Variants in MTA1 observed in about 807,000 individuals in gnomAD.
MTA1 encodes the protein metastasis-associated protein MTA1.
In MTA1, 15 loss-of-function variants were observed where a neutral mutation model predicts 97.0. The ratio of observed to expected loss-of-function variants is 0.15; its 90% CI spans 0.10 to 0.24. The LOEUF is 0.24. Among genes scored for constraint, MTA1 ranks in the 10% least tolerant of loss-of-function variants. The pLI is 1.00. For synonymous variants in MTA1, 435 were observed against 417.5 expected (o/e 1.04, Z -0.51); for missense variants, 709 against 1,015.1 (o/e 0.70, Z 4.10).
intron 1 of MTA1, among the ~76,000 whole-genome samples, chr14:105,429,553 G>T (rs587705024): frequency 5.0e-4 from 75 of 151,232 alleles, no homozygotes; most frequent in African/African-American, 1.6e-3. Flanking sequence ...CCAGGTTCAC[G>T]CCATTCTCTT....
In MTA1 at chr14:105,450,303, C is replaced by T. The variant is rs782218844; in HGVS notation, c.411C>T (p.Leu137=). The change falls in exon 6 of 21, where the codon CTC becomes CTT. Residue 137 remains leucine (L), a synonymous_variant. Transcript: ENST00000331320. ...CCCTGCTCAACGAGACCGAGTCGCT[C>T]AAGTCCTACCTGGAGCGGGAGGTGA... is the stretch of plus-strand genomic sequence containing the variant. ...SVTLLNETES[L]KSYLEREDFF... 1 of 1,606,438 alleles carries T rather than the reference C, an allele frequency of 6.2e-7. No individual in the cohort carries two copies. The highest frequency in any genetic ancestry group is 1.3e-5 in the African/African-American group (1 of 74,922).
Position 105,460,846 on chromosome 14 carries a change from G to A in MTA1, c.835G>A (p.Val279Met), listed in dbSNP as rs1208935495. Reference sequence around the variant, plus strand: ...GGCGCTGGTGCCGCAGGGCGGGCCCGTGCTCTGCAGGGACGAGATGGAGGA... The same window carrying A: ...GGCGCTGGTGCCGCAGGGCGGGCCCATGCTCTGCAGGGACGAGATGGAGGA... ...ISALVPQGGP[V>M]LCRDEMEEWS... Residue 279 changes from valine (V) to methionine (M), a missense_variant, in exon 10 of 21, where the codon GTG becomes ATG. Coordinates refer to ENST00000331320, the MANE Select transcript of MTA1 (RefSeq NM_004689.4). The A allele has an allele frequency of 5.0e-6, 8 of 1,612,642 alleles. No homozygotes were observed. The highest frequency in any genetic ancestry group is 6.8e-6 in the Non-Finnish European group (8 of 1,179,708).
At position 105,460,428 on chromosome 14, in the gene MTA1, G is replaced by C; in HGVS notation, c.724G>C (p.Ala242Pro). The C allele has an allele frequency of 6.2e-7, 1 of 1,611,206 alleles. No homozygotes were observed. Among genetic ancestry groups the C allele is most frequent in the Non-Finnish European group, 8.5e-7 (1 of 1,179,270 alleles). ...SVRQPSLHMS[A>P]AAASRDITLF... The stretch of plus-strand genomic sequence containing the variant: ...CCGACAGCCCAGCCTGCACATGAGC[G>C]CCGCAGCTGCCTCCCGAGACATCAC... The change falls in exon 9 of 21, where the codon GCC (alanine) becomes CCC (proline). Residue 242 changes from alanine (A) to proline (P), a missense_variant. Physicochemically the swap from Ala to Pro is conservative, Grantham distance 27. Transcript: ENST00000331320.
At chr14:105,443,571 C>T (rs587682476) in intron 2 of MTA1, among the ~76,000 whole-genome samples, 1 of 152,320 alleles carries the variant, frequency 6.6e-6, no homozygotes, top group African/African-American at 2.4e-5. Flanking sequence ...GATGAGGTTT[C>T]ACCATGTTGC....
chr14:105,450,949 G>A (rs2082904311), intron 6 of MTA1, among the ~76,000 whole-genome samples: 1 of 152,210 alleles, frequency 6.6e-6, no homozygotes, highest in African/African-American at 2.4e-5. Flanking sequence ...GGGGGCAAAA[G>A]CGTCTGGAGT....
At chr14:105,430,445 C>T (rs782661814) in intron 1 of MTA1, among the ~76,000 whole-genome samples, 5 of 152,010 alleles carry the variant, frequency 3.3e-5, no homozygotes, top group South Asian at 2.1e-4. Context: ...ATAGTAGCAT[C>T]GAGGAGCAAT....
At chr14:105,458,123 G>C in intron 7 of MTA1, 147 bp from the exon 8 acceptor site, 1 of 643,990 alleles carries the variant, frequency 1.6e-6, no homozygotes, top group African/African-American at 1.8e-5. Flanking sequence ...AACAGCCTCC[G>C]TCCAGCCTTG....
chr14:105,458,634 C>T (rs2141639251), intron 8 of MTA1, among the ~76,000 whole-genome samples: 1 of 152,230 alleles, frequency 6.6e-6, no homozygotes, highest in Non-Finnish European at 1.5e-5. Context: ...TGGGGCTTTC[C>T]CAGGATGGGC....
In MTA1 at chr14:105,464,753, C is replaced by T. The variant is rs1595415665; in HGVS notation, c.1424C>T (p.Thr475Met). Reference sequence around the variant, plus strand: ...ACCAGGCAGGCTTTCTATCTGCACACGACGAAGCTGACGCGGATCGCCCGG... The same window carrying T: ...ACCAGGCAGGCTTTCTATCTGCACATGACGAAGCTGACGCGGATCGCCCGG... Reference protein sequence around the residue: ...MKTRQAFYLHTTKLTRIARRL... With the variant: ...MKTRQAFYLHMTKLTRIARRL... The change falls in exon 15 of 21, where the codon ACG (threonine) becomes ATG (methionine). Residue 475 changes from threonine (T) to methionine (M), a missense_variant. By Grantham distance (81) the Thr-to-Met change is moderately conservative. Around this residue, in one of 2 missense-constraint regions of MTA1, gnomAD observed 388 missense variants for 421.6 expected, o/e 0.92. Transcript: ENST00000331320. 1 of 1,610,290 alleles carries T rather than the reference C, an allele frequency of 6.2e-7. No individual in the cohort carries two copies. Among genetic ancestry groups the T allele is most frequent in the Non-Finnish European group, 8.5e-7 (1 of 1,178,084 alleles).
chr14:105,454,076 G>A (rs1023260921), intron 6 of MTA1, 117 bp from the exon 7 acceptor site: 6 of 711,594 alleles, frequency 8.4e-6, no homozygotes, highest in East Asian at 5.4e-5. Flanking sequence ...CGCCCATGTC[G>A]CCCCACAAGA....
intron 16 of MTA1, chr14:105,466,152 G>A (rs1408328855): frequency 1.9e-6 from 1 of 531,438 alleles, no homozygotes; most frequent in African/African-American, 1.9e-5. Flanking sequence ...TCCCGGGGCT[G>A]AGGGGCCTGG....
chr14:105,435,136 T>G (rs587693969), intron 1 of MTA1, among the ~76,000 whole-genome samples: 52 of 152,332 alleles, frequency 3.4e-4, no homozygotes, highest in African/African-American at 1.2e-3. Context: ...GCTGAGGAAG[T>G]ACCCTTTAGT....
At chr14:105,435,103 G>A (rs961497594) in intron 1 of MTA1, among the ~76,000 whole-genome samples, 1 of 152,092 alleles carries the variant, frequency 6.6e-6, no homozygotes, top group Non-Finnish European at 1.5e-5. Flanking sequence ...CTAGCTGTAG[G>A]TTTTTTGTAA....
chr14:105,450,888 G>A (rs587659039), intron 6 of MTA1, among the ~76,000 whole-genome samples: 162 of 152,356 alleles, frequency 1.1e-3, no homozygotes, highest in Middle Eastern at 6.8e-3. Context: ...GTGGCACTGA[G>A]GCTGCTGTGA....
Position 105,465,167 on chromosome 14 carries a change from C to T in MTA1, c.1608C>T (p.Ala536=), listed in dbSNP as rs782146654. 4.5e-5 allele frequency: 69 copies of T among 1,520,818 alleles called. No homozygotes were observed. Among genetic ancestry groups the T allele is most frequent in the Non-Finnish European group, 5.4e-5 (61 of 1,127,814 alleles). 94.2% of individuals were successfully genotyped at this position (1,520,818 alleles called of 1,614,324 possible). The change falls in exon 16 of 21, where the codon GCC becomes GCT. Residue 536 remains alanine (A), a synonymous_variant. Coordinates refer to ENST00000331320, the MANE Select transcript of MTA1 (RefSeq NM_004689.4). ...AGGCGGTACGCAAGCCGCTGGAAGC[C>T]GTGCTTCGGTATCTTGGTGAGCAGC... ...LKQAVRKPLE[A]VLRYLETHPR...
rs977949814 is a variant in MTA1 at position 105,466,819 on chromosome 14, C to T, written c.1813+77C>T. On this transcript the variant is annotated intron_variant, in intron 18 of 20. Coordinates refer to ENST00000331320, the MANE Select transcript of MTA1 (RefSeq NM_004689.4). ...TGTGCTGTGCTGCTCTGTGTCCCCG[C>T]GGCGGGCGGCCCAGGGCCCATGCTT... is the stretch of plus-strand genomic sequence containing the variant. The T allele has an allele frequency of 2.3e-5, 34 of 1,472,888 alleles. 1 individual carries two copies. The highest frequency in any genetic ancestry group is 1.0e-4 in the African/African-American group (7 of 70,254). 91.2% of individuals were successfully genotyped at this position (1,472,888 alleles called of 1,614,324 possible).
chr14:105,433,937 C>A (rs587772139), intron 1 of MTA1, among the ~76,000 whole-genome samples: 1 of 152,268 alleles, frequency 6.6e-6, no homozygotes, highest in South Asian at 2.1e-4. Context: ...AAGCGATTCC[C>A]CTGCCTCAGC....
intron 6 of MTA1, among the ~76,000 whole-genome samples, chr14:105,452,852 C>T (rs1480936648): frequency 6.6e-6 from 1 of 152,198 alleles, no homozygotes; most frequent in Non-Finnish European, 1.5e-5. Flanking sequence ...AGAAAACACG[C>T]AGAGTAGCTT....
In MTA1 at chr14:105,447,557, G is replaced by T. The variant is rs139633167; in HGVS notation, c.191-1802G>T. ...ATCAGAGGGCAGGTTTTCCAGAAGG[G>T]CCTCGTTGGGGCTGATAGGACTGGG... On this transcript the variant is annotated intron_variant, in intron 3 of 20. Coordinates refer to ENST00000331320, the MANE Select transcript of MTA1 (RefSeq NM_004689.4). 1.7e-3 allele frequency among the ~76,000 whole-genome samples: 263 copies of T among 152,320 alleles called. 2 individuals are homozygous for T. The highest frequency in any genetic ancestry group is 6.0e-3 in the African/African-American group (249 of 41,568).
Sources: allele counts gnomAD v4.1 joint callset (sites outside exome capture counted in the v4.1 genomes callset), GRCh38; gene constraint gnomAD v4.1.1; regional missense constraint gnomAD v4.1.1; transcripts MANE v1.5; gene names NCBI Gene and HGNC (gene_info 2026-07-23, HGNC 2026-07-21).